Variants in SLC12A7 observed in about 807,000 individuals in gnomAD.
The protein encoded by SLC12A7 is solute carrier family 12 member 7.
Under a neutral mutation model 120.6 loss-of-function variants are expected in SLC12A7, and 100 were observed. The observed-to-expected ratio is 0.83, with a 90% CI of 0.71 to 0.98. SLC12A7 has a LOEUF of 0.98. SLC12A7 is among the 50% of genes least tolerant of loss of function. The pLI is 0.00. For synonymous variants in SLC12A7, 760 were observed against 678.0 expected, an observed-to-expected ratio of 1.12 and a Z score of -1.88; for missense variants, 1,373 against 1,548.1, an observed-to-expected ratio of 0.89 and a Z score of 1.90.
At chr5:1,058,535 T>C (rs950974140) in intron 21 of SLC12A7, among the ~76,000 whole-genome samples, 1 of 152,236 alleles carries the variant, frequency 6.6e-6, no homozygotes, top group Non-Finnish European at 1.5e-5. Context: ...CAGGAGTTTG[T>C]GAGCCCCGGG....
At chr5:1,090,696 T>G (rs572410662) in intron 3 of SLC12A7, among the ~76,000 whole-genome samples, 1 of 152,286 alleles carries the variant, frequency 6.6e-6, no homozygotes, top group South Asian at 2.1e-4. Context: ...CAGGGGCCCC[T>G]GCCCTCCAGG....
At chr5:1,059,027 G>A (rs748398776) in intron 21 of SLC12A7, among the ~76,000 whole-genome samples, 3 of 152,234 alleles carry the variant, frequency 2.0e-5, no homozygotes, top group Non-Finnish European at 4.4e-5. Flanking sequence ...TTCCCATGAA[G>A]CCATGGGTGG....
At chr5:1,085,642 GAC>G (rs1490526379) in intron 6 of SLC12A7, among the ~76,000 whole-genome samples, 169 bp from the exon 7 acceptor site, 1 of 136,876 alleles carries the variant, frequency 7.3e-6, no homozygotes. Context: ...ACAGGCAAGG[GAC>G]GGAGCCCGCG....
At position 1,094,221 on chromosome 5, in the gene SLC12A7, G is replaced by A. The variant is rs1428907857; in HGVS notation, c.152C>T (p.Pro51Leu). The change falls in exon 2 of 24, where the codon CCA becomes CTA. Residue 51 changes from proline (P) to leucine (L), a missense_variant. Transcript: ENST00000264930. ...PGDGNPRENS[P>L]FLNNVEVEQE... ...TTCCACCTCGACATTGTTGAGGAAT[G>A]GGCTGTTTTCTCTTGGATTTCCATC... is the stretch of plus-strand genomic sequence containing the variant. 1 of 1,613,310 alleles carries A rather than the reference G, an allele frequency of 6.2e-7. No homozygotes were observed. The highest frequency in any genetic ancestry group is 8.5e-7 in the Non-Finnish European group (1 of 1,179,548).
Position 1,089,028 on chromosome 5 carries a change from G to T in SLC12A7, c.443C>A (p.Ala148Asp), listed in dbSNP as rs1740201741. Residue 148 changes from alanine to aspartate, a missense_variant, in exon 4 of 24, where the codon GCT (alanine) becomes GAT (aspartate). Coordinates refer to ENST00000264930, the MANE Select transcript of SLC12A7 (RefSeq NM_006598.3). ...GATGAGGAAGGACTCCAGGACACCA[G>T]CCACCCCCACGATCCACGTCAGGCG... ...FLRLTWIVGV[A>D]GVLESFLIVA... 2.5e-6 allele frequency: 4 copies of T among 1,612,930 alleles called. No individual in the cohort carries two copies. Among genetic ancestry groups the T allele is most frequent in the Non-Finnish European group, 3.4e-6 (4 of 1,179,994 alleles).
chr5:1,140,594 C>T, the SLC12A7 span, among the ~76,000 whole-genome samples: 16 of 152,214 alleles, frequency 1.1e-4, no homozygotes, highest in Non-Finnish European at 1.9e-4. Context: ...ACGGTGCCAG[C>T]ATGCCCAGCA....
chr5:1,079,198 G>A (rs556002917), intron 10 of SLC12A7, among the ~76,000 whole-genome samples, 200 bp downstream of exon 10: 9 of 152,308 alleles, frequency 5.9e-5, no homozygotes, highest in African/African-American at 1.7e-4. Context: ...CTCTACGATC[G>A]CATCACACAG....
intron 3 of SLC12A7, among the ~76,000 whole-genome samples, chr5:1,091,876 C>A (rs1056280303): frequency 6.6e-6 from 1 of 152,260 alleles, no homozygotes; most frequent in Non-Finnish European, 1.5e-5. Flanking sequence ...GCAGCGTCCA[C>A]GTGCAGCAGT....
intron 21 of SLC12A7, 50 bp from the exon 22 acceptor site, chr5:1,057,699 G>A (rs1735773467): frequency 6.5e-7 from 1 of 1,528,782 alleles, no homozygotes; most frequent in Non-Finnish European, 8.8e-7. Flanking sequence ...AACTCCTCTG[G>A]GCGAGAGCGA....
At chr5:1,066,032 C>T (rs1349717313) in intron 17 of SLC12A7, among the ~76,000 whole-genome samples, 2 of 152,232 alleles carry the variant, frequency 1.3e-5, no homozygotes, top group South Asian at 2.1e-4. Context: ...CACCACGGAA[C>T]GGCTTGACTC....
chr5:1,075,323 C>T (rs780522580), intron 15 of SLC12A7, 48 bp downstream of exon 15: 1 of 1,584,478 alleles, frequency 6.3e-7, no homozygotes, highest in Admixed American at 1.7e-5. Flanking sequence ...ATGAGAGGGG[C>T]CCGCCCTCCC....
At chr5:1,095,499 T>G (rs948366299) in intron 1 of SLC12A7, among the ~76,000 whole-genome samples, 3 of 152,170 alleles carry the variant, frequency 2.0e-5, no homozygotes, top group African/African-American at 7.2e-5. Context: ...CTCCCCAGAC[T>G]GGGAACGACC....
chr5:1,068,558 C>G (rs34888800), intron 17 of SLC12A7, among the ~76,000 whole-genome samples: 118 of 152,390 alleles, frequency 7.7e-4, no homozygotes, highest in African/African-American at 2.8e-3. Flanking sequence ...GCCCCAAAGG[C>G]AGCCAAGGGA....
chr5:1,096,737 A>AAGGAAGG (rs1188612731), intron 1 of SLC12A7, among the ~76,000 whole-genome samples: 1 of 14,202 alleles, frequency 7.0e-5, no homozygotes, highest in African/African-American at 2.9e-4. Flanking sequence ...GGGAGGGGGG[A>AAGGAAGG]AGGGAGGGAA....
intron 18 of SLC12A7, 91 bp downstream of exon 18, chr5:1,065,185 GGGGACAC>G: frequency 3.8e-6 from 1 of 260,994 alleles, no homozygotes; most frequent in Non-Finnish European, 5.1e-6. Flanking sequence ...AGGACAGCGA[GGGGACAC>G]TGAGGAGACA....
At position 1,069,992 on chromosome 5, in the gene SLC12A7, C is replaced by CAGCCCCCAGTG. The variant is rs144693534; in HGVS notation, c.2241+3630_2241+3640dup. Among the ~76,000 whole-genome samples the CAGCCCCCAGTG allele has an allele frequency of 1.5e-3, 109 of 70,996 alleles. 12 individuals carry two copies. The South Asian group carries it at 0.015, about 10-fold the overall frequency. 46.6% of individuals were successfully genotyped at this position (70,996 alleles called of 152,430 possible). ...GCAGCACACGGCATCACACTTAACG[C>CAGCCCCCAGTG]AGCCCCCAGTGAGCCCCCAGCACAC... On this transcript the variant is annotated intron_variant, in intron 17 of 23. Transcript: ENST00000264930.
chr5:1,141,840 C>T, the SLC12A7 span, among the ~76,000 whole-genome samples: 1 of 152,150 alleles, frequency 6.6e-6, no homozygotes, highest in African/African-American at 2.4e-5. Flanking sequence ...AACAGATGAA[C>T]AAATTCAGAA....
At chr5:1,104,981 G>A (rs1388224107) in intron 1 of SLC12A7, among the ~76,000 whole-genome samples, 2 of 151,880 alleles carry the variant, frequency 1.3e-5, no homozygotes, top group Non-Finnish European at 2.9e-5. Context: ...CCTCCCCGCA[G>A]GGGTGAGGTC....
the SLC12A7 span, among the ~76,000 whole-genome samples, chr5:1,152,967 A>C: frequency 6.6e-6 from 1 of 152,380 alleles, no homozygotes; most frequent in South Asian, 2.1e-4. Context: ...AACGCATGCC[A>C]ATAAAATGTT....
Sources: gnomAD v4.1 joint callset for allele counts (sites outside exome capture counted in the v4.1 genomes callset) on GRCh38, gnomAD v4.1.1 for gene constraint, MANE v1.5 for transcripts, NCBI Gene and HGNC (gene_info 2026-07-23, HGNC 2026-07-21) for gene names.